Variants in NCEH1 observed in about 807,000 individuals in gnomAD.
The protein encoded by NCEH1 is neutral cholesterol ester hydrolase 1.
NCEH1 carries 9 observed loss-of-function variants against 25.4 expected under a neutral mutation model. That is an observed-to-expected ratio of 0.35 (90% CI 0.21 to 0.62). The LOEUF (loss-of-function observed/expected upper bound fraction) is 0.62. Among genes scored for constraint, NCEH1 ranks in the 20% least tolerant of loss-of-function variants. The pLI is 0.72. For missense variants in NCEH1, 412 were observed against 501.1 expected (o/e 0.82, Z 1.70); for synonymous variants, 200 against 199.8 (o/e 1.00, Z -0.01).
intron 3 of NCEH1, among the ~76,000 whole-genome samples, chr3:172,643,895 C>T (rs1242559761): frequency 6.6e-6 from 1 of 152,212 alleles, no homozygotes; most frequent in Non-Finnish European, 1.5e-5. Context: ...CTTAAACATC[C>T]CCTGTGCTTT....
intron 1 of NCEH1, among the ~76,000 whole-genome samples, chr3:172,694,597 C>A (rs180847281): frequency 1.2e-4 from 18 of 152,298 alleles, no homozygotes; most frequent in African/African-American, 3.8e-4. Context: ...CTCCAACAGA[C>A]AGGTTACGGG....
chr3:172,644,038 C>T (rs943235822), intron 3 of NCEH1, among the ~76,000 whole-genome samples: 16 of 152,214 alleles, frequency 1.1e-4, no homozygotes, highest in Non-Finnish European at 2.2e-4. Context: ...GGTGCGGTGG[C>T]TGCTTCCTCA....
At chr3:172,642,214 C>T (rs557155420) in intron 3 of NCEH1, among the ~76,000 whole-genome samples, 2 of 152,040 alleles carry the variant, frequency 1.3e-5, no homozygotes, top group South Asian at 4.2e-4. Context: ...CTCTCTGTCA[C>T]CCAGGCTGGA....
At chr3:172,661,457 G>A (rs1277258567) in intron 1 of NCEH1, among the ~76,000 whole-genome samples, 1 of 152,302 alleles carries the variant, frequency 6.6e-6, no homozygotes, top group Non-Finnish European at 1.5e-5. Flanking sequence ...GGCAATGCAG[G>A]CTCTTTTTTG....
At chr3:172,640,005 G>A (rs986887279) in intron 3 of NCEH1, among the ~76,000 whole-genome samples, 2 of 152,210 alleles carry the variant, frequency 1.3e-5, no homozygotes, top group Non-Finnish European at 2.9e-5. Context: ...TCAAACCTAT[G>A]CCCCCAAGCC....
intron 1 of NCEH1, among the ~76,000 whole-genome samples, chr3:172,653,130 G>A (rs1169627799): frequency 1.3e-5 from 2 of 152,136 alleles, no homozygotes; most frequent in Admixed American, 6.5e-5. Context: ...AGTGCTAGAG[G>A]TCTTAAAACT....
intron 1 of NCEH1, among the ~76,000 whole-genome samples, chr3:172,693,749 A>G (rs1367492818): frequency 6.6e-6 from 1 of 152,192 alleles, no homozygotes; most frequent in Non-Finnish European, 1.5e-5. Context: ...AATTTTAATT[A>G]GCTATGTGAG....
Position 172,647,933 on chromosome 3 carries a change from C to A in NCEH1, c.320G>T (p.Arg107Leu). 1 of 1,614,190 alleles carries A rather than the reference C, an allele frequency of 6.2e-7. No individual in the cohort carries two copies. Among genetic ancestry groups the A allele is most frequent in the African/African-American group, 1.3e-5 (1 of 75,048 alleles). The change falls in exon 2 of 5, where the codon CGC becomes CTC. Residue 107 changes from arginine to leucine, a missense_variant. Around this residue, in one of 3 missense-constraint regions of NCEH1, gnomAD observed 178 missense variants for 189.2 expected, o/e 0.94. Transcript: ENST00000475381. The part of the protein sequence containing the change: ...GPPKPEEPLK[R>L]SVVYIHGGGW... The stretch of plus-strand genomic sequence containing the variant: ...TCCTCCGTGGATATAAACGACGCTG[C>A]GTTTCAGTGGCTCTTCGGGCTTCGG...
intron 1 of NCEH1, among the ~76,000 whole-genome samples, chr3:172,653,730 G>GTTT (rs766282864): frequency 1.0e-5 from 1 of 97,904 alleles, no homozygotes; most frequent in African/African-American, 4.0e-5. Context: ...TGTTGTTGTT[G>GTTT]TTCTGTTTTT....
At chr3:172,663,999 T>C (rs1035452065) in intron 1 of NCEH1, among the ~76,000 whole-genome samples, 4 of 152,238 alleles carry the variant, frequency 2.6e-5, no homozygotes, top group Non-Finnish European at 5.9e-5. Context: ...GATCCTGTCA[T>C]TATGATATTA....
At chr3:172,679,167 G>A (rs1333630504) in intron 1 of NCEH1, among the ~76,000 whole-genome samples, 3 of 152,208 alleles carry the variant, frequency 2.0e-5, no homozygotes, top group Non-Finnish European at 4.4e-5. Context: ...GTGGAATGCT[G>A]AGAAAGGTAA....
At chr3:172,680,489 A>G (rs1443733250) in intron 1 of NCEH1, among the ~76,000 whole-genome samples, 1 of 151,982 alleles carries the variant, frequency 6.6e-6, no homozygotes, top group Non-Finnish European at 1.5e-5. Flanking sequence ...TTCCCTGTAA[A>G]CTTGCTGAGG....
chr3:172,648,999 T>C (rs1466153184), intron 1 of NCEH1, among the ~76,000 whole-genome samples: 2 of 152,178 alleles, frequency 1.3e-5, no homozygotes, highest in Non-Finnish European at 2.9e-5. Context: ...AACAGAACAC[T>C]GGTGATTAAT....
intron 1 of NCEH1, among the ~76,000 whole-genome samples, chr3:172,706,450 C>T (rs958677644): frequency 1.3e-5 from 2 of 151,754 alleles, no homozygotes; most frequent in African/African-American, 2.4e-5. Context: ...CCTAGTATTC[C>T]CAAATATGAA....
chr3:172,703,587 A>G (rs75773966), intron 1 of NCEH1, among the ~76,000 whole-genome samples: 8,313 of 151,806 alleles, frequency 0.055, 781 homozygotes, highest in African/African-American at 0.19. Flanking sequence ...TAAAAGAAGC[A>G]ATTGTGCATA....
intron 1 of NCEH1, among the ~76,000 whole-genome samples, chr3:172,694,394 C>G (rs34220450): frequency 0.54 from 70,386 of 130,390 alleles, 18,819 homozygotes; most frequent in African/African-American, 0.78. Context: ...GTGTGTGTGT[C>G]TGTGTGTGTG....
chr3:172,646,381 C>T (rs1560182666), intron 2 of NCEH1, among the ~76,000 whole-genome samples: 5 of 151,932 alleles, frequency 3.3e-5, no homozygotes, highest in Admixed American at 2.6e-4. Flanking sequence ...AACAATTTTG[C>T]TCTTTTAACA....
chr3:172,708,601 C>T (rs577838345), intron 1 of NCEH1, among the ~76,000 whole-genome samples: 2 of 152,338 alleles, frequency 1.3e-5, no homozygotes, highest in Admixed American at 6.5e-5. Context: ...TCGTGATCCA[C>T]CCGCCTCGGC....
chr3:172,708,172 A>G (rs1365116528), intron 1 of NCEH1, among the ~76,000 whole-genome samples: 1 of 152,248 alleles, frequency 6.6e-6, no homozygotes, highest in Non-Finnish European at 1.5e-5. Flanking sequence ...GCTAAAGCAT[A>G]AAGTATTTGC....
Sources: allele counts gnomAD v4.1 joint callset (sites outside exome capture counted in the v4.1 genomes callset), GRCh38; gene constraint gnomAD v4.1.1; regional missense constraint gnomAD v4.1.1; transcripts MANE v1.5; gene names NCBI Gene and HGNC (gene_info 2026-07-23, HGNC 2026-07-21).